Variants in FAM171A1 observed in about 807,000 individuals in gnomAD.
FAM171A1 encodes the protein family with sequence similarity 171 member A1.
In FAM171A1, 23 loss-of-function variants were observed where a neutral mutation model predicts 74.9. The ratio of observed to expected loss-of-function variants is 0.31; its 90% CI spans 0.22 to 0.44. The LOEUF (loss-of-function observed/expected upper bound fraction) is 0.44. FAM171A1 is among the 20% of genes least tolerant of loss of function. The pLI is 1.00. For missense variants in FAM171A1, 1,162 were observed against 1,159.2 expected (o/e 1.00, Z -0.03); for synonymous variants, 527 against 505.7 (o/e 1.04, Z -0.57).
At chr10:15,341,853 C>CA (rs1198923806) in intron 1 of FAM171A1, among the ~76,000 whole-genome samples, 3 of 152,218 alleles carry the variant, frequency 2.0e-5, no homozygotes, top group African/African-American at 7.2e-5. Flanking sequence ...TCGCAGCTTG[C>CA]ATGTTCATTT....
At chr10:15,323,134 T>C (rs1394474647) in intron 1 of FAM171A1, among the ~76,000 whole-genome samples, 1 of 133,998 alleles carries the variant, frequency 7.5e-6, no homozygotes, top group African/African-American at 3.0e-5. Flanking sequence ...AGCAAGACTG[T>C]CTCAAAAAAA....
At chr10:15,287,260 T>G (rs1382415495) in intron 1 of FAM171A1, among the ~76,000 whole-genome samples, 1 of 150,344 alleles carries the variant, frequency 6.7e-6, no homozygotes, top group Admixed American at 6.7e-5. Context: ...TCCGGCTAAT[T>G]TTTTGTATTT....
At chr10:15,298,835 A>C (rs1348540284) in intron 1 of FAM171A1, among the ~76,000 whole-genome samples, 1 of 152,204 alleles carries the variant, frequency 6.6e-6, no homozygotes, top group African/African-American at 2.4e-5. Flanking sequence ...GTGATGCAAC[A>C]CTGTGGTGAC....
intron 1 of FAM171A1, among the ~76,000 whole-genome samples, chr10:15,290,100 C>T (rs1588536196): frequency 1.3e-5 from 2 of 152,176 alleles, no homozygotes; most frequent in Non-Finnish European, 2.9e-5. Context: ...TGGTAGTACA[C>T]GCTTGTAGTC....
chr10:15,270,527 T>C (rs142388170), intron 3 of FAM171A1, among the ~76,000 whole-genome samples: 40 of 151,980 alleles, frequency 2.6e-4, no homozygotes, highest in African/African-American at 8.7e-4. Context: ...CTGAACAGAG[T>C]AGTGGTTCTC....
At chr10:15,327,303 G>C (rs1433270587) in intron 1 of FAM171A1, among the ~76,000 whole-genome samples, 1 of 152,108 alleles carries the variant, frequency 6.6e-6, no homozygotes, top group African/African-American at 2.4e-5. Context: ...ACTGTGCCTG[G>C]CATGTGCTCA....
intron 5 of FAM171A1, among the ~76,000 whole-genome samples, chr10:15,243,900 G>A (rs1354998504): frequency 2.0e-5 from 3 of 152,156 alleles, no homozygotes; most frequent in African/African-American, 7.2e-5. Flanking sequence ...ACAGGCGCCC[G>A]CCACCACACC....
At chr10:15,341,111 T>A (rs1835759612) in intron 1 of FAM171A1, among the ~76,000 whole-genome samples, 1 of 152,134 alleles carries the variant, frequency 6.6e-6, no homozygotes, top group African/African-American at 2.4e-5. Context: ...CGTTTACAAT[T>A]TAGGGTTGGA....
chr10:15,226,951 T>C (rs1298921453), intron 5 of FAM171A1, among the ~76,000 whole-genome samples: 1 of 152,206 alleles, frequency 6.6e-6, no homozygotes, highest in African/African-American at 2.4e-5. Context: ...TGAAATAAGA[T>C]ACACAGGCAG....
chr10:15,345,746 A>G (rs1376639515), intron 1 of FAM171A1, among the ~76,000 whole-genome samples: 1 of 152,156 alleles, frequency 6.6e-6, no homozygotes, highest in African/African-American at 2.4e-5. Flanking sequence ...TGCCCATCAA[A>G]AAACATACAG....
At chr10:15,343,219 A>T (rs1311930587) in intron 1 of FAM171A1, among the ~76,000 whole-genome samples, 1 of 152,152 alleles carries the variant, frequency 6.6e-6, no homozygotes, top group South Asian at 2.1e-4. Flanking sequence ...AAATTTAAAA[A>T]CTAGCTGAGT....
chr10:15,268,497 C>A (rs1020348378), intron 3 of FAM171A1, among the ~76,000 whole-genome samples: 1 of 151,884 alleles, frequency 6.6e-6, no homozygotes. Context: ...ACGTTTATAC[C>A]ATTGATCACG....
chr10:15,321,484 C>CT (rs940882694), intron 1 of FAM171A1, among the ~76,000 whole-genome samples: 63 of 152,010 alleles, frequency 4.1e-4, no homozygotes, highest in African/African-American at 1.4e-3. Flanking sequence ...TTTTTAAAAG[C>CT]TTTTTTTTAC....
In FAM171A1 at chr10:15,248,671, T is replaced by C. The variant is rs932463110; in HGVS notation, c.722A>G (p.Tyr241Cys). The C allele has an allele frequency of 7.4e-6, 12 of 1,611,182 alleles. No homozygotes were observed. Among genetic ancestry groups the C allele is most frequent in the South Asian group, 1.1e-5 (1 of 90,322 alleles). The change falls in exon 5 of 8, where the codon TAT (tyrosine) becomes TGT (cysteine). Residue 241 changes from tyrosine (Y) to cysteine (C), a missense_variant. Physicochemically the swap from Tyr to Cys is radical, Grantham distance 194. Transcript: ENST00000378116. The stretch of plus-strand genomic sequence containing the variant: ...CTGGTCAAACCGCCACGCCGCGACA[T>C]AGGCATTGTGCCTCAGGCTGCTCTG... ...ATQSSLRHNA[Y>C]VAAWRFDQKL...
At chr10:15,343,168 C>T (rs918619587) in intron 1 of FAM171A1, among the ~76,000 whole-genome samples, 2 of 152,108 alleles carry the variant, frequency 1.3e-5, no homozygotes, top group African/African-American at 4.8e-5. Flanking sequence ...CTCCCCAGAG[C>T]CTGGACAACA....
At chr10:15,321,253 C>T (rs561144662) in intron 1 of FAM171A1, among the ~76,000 whole-genome samples, 1 of 152,218 alleles carries the variant, frequency 6.6e-6, no homozygotes, top group African/African-American at 2.4e-5. Flanking sequence ...TTTAGGTAAG[C>T]GCAAGTTAAC....
At chr10:15,282,522 G>A (rs984161499) in intron 2 of FAM171A1, among the ~76,000 whole-genome samples, 1 of 152,134 alleles carries the variant, frequency 6.6e-6, no homozygotes, top group Non-Finnish European at 1.5e-5. Context: ...TGTAGCAGTG[G>A]TTCAGTATTT....
intron 5 of FAM171A1, among the ~76,000 whole-genome samples, chr10:15,234,904 C>T (rs767851518): frequency 7.7e-4 from 117 of 152,032 alleles, no homozygotes; most frequent in Admixed American, 9.8e-4. Flanking sequence ...CCTCGTGATC[C>T]GCCTGCCTCG....
At chr10:15,306,941 C>T (rs1406122267) in intron 1 of FAM171A1, among the ~76,000 whole-genome samples, 1 of 152,180 alleles carries the variant, frequency 6.6e-6, no homozygotes, top group African/African-American at 2.4e-5. Flanking sequence ...TTCCATCACG[C>T]CATGTGCCCT....
Sources: allele counts gnomAD v4.1 joint callset (sites outside exome capture counted in the v4.1 genomes callset), GRCh38; gene constraint gnomAD v4.1.1; transcripts MANE v1.5; gene names NCBI Gene and HGNC (gene_info 2026-07-23, HGNC 2026-07-21).